The following VPS13B variants were observed in gnomAD, a reference collection of about 807,000 sequenced individuals.
VPS13B encodes vacuolar protein sorting 13 homolog B.
VPS13B carries 285 observed loss-of-function variants against 426.4 expected under a neutral mutation model. The observed-to-expected ratio is 0.67, with a 90% CI of 0.61 to 0.74. The LOEUF is 0.74. Ranked by LOEUF, VPS13B falls within the 30% of genes least tolerant of loss-of-function variation. The probability of loss-of-function intolerance (pLI) is 0.00; values close to 1 mark genes in which losing one functional copy is unlikely to be tolerated. For synonymous variants in VPS13B, 1,676 were observed against 1,676.4 expected (o/e 1.00, Z 0.01); for missense variants, 4,537 against 4,782.6 (o/e 0.95, Z 1.51).
chr8:99,152,101 G>A (rs1449159014), intron 14 of VPS13B, among the ~76,000 whole-genome samples: 1 of 151,908 alleles, frequency 6.6e-6, no homozygotes, highest in East Asian at 1.9e-4. Context: ...TGTAAGCTTA[G>A]GTGATTGATT....
At chr8:99,353,741 C>T (rs1004363074) in intron 19 of VPS13B, among the ~76,000 whole-genome samples, 3 of 151,986 alleles carry the variant, frequency 2.0e-5, no homozygotes, top group African/African-American at 7.2e-5. Flanking sequence ...TGCCAAAATT[C>T]TGTTTTCCCC....
At chr8:99,112,517 A>T (rs1242250750) in intron 6 of VPS13B, among the ~76,000 whole-genome samples, 1 of 151,990 alleles carries the variant, frequency 6.6e-6, no homozygotes, top group South Asian at 2.1e-4. Flanking sequence ...TGTATAATGC[A>T]TATTGGTTTG....
At chr8:99,327,821 A>G (rs928881605) in intron 19 of VPS13B, among the ~76,000 whole-genome samples, 5 of 152,322 alleles carry the variant, frequency 3.3e-5, no homozygotes, top group Admixed American at 1.3e-4. Flanking sequence ...TTTACTTACT[A>G]TCTATGGTTA....
In VPS13B at chr8:99,303,258, C is replaced by CA. The variant is rs757187342; in HGVS notation, c.2824+28025dup. Among the ~76,000 whole-genome samples, 350 of 57,280 alleles carry CA rather than the reference C, an allele frequency of 6.1e-3. 26 individuals carry two copies. Among genetic ancestry groups the CA allele is most frequent in the Middle Eastern group, 0.017 (1 of 60 alleles). The allele number at this position is 57,280 out of a possible 152,430, so 37.6% of individuals were successfully genotyped here. ...TTGCGCCACTGCACTCAGCCTGTCTCAAAAAAAAAAAAAAAAAAAAAGGAA... is the reference window on the plus strand; with the variant it reads ...TTGCGCCACTGCACTCAGCCTGTCTCAAAAAAAAAAAAAAAAAAAAAAGGAA... On this transcript the variant is annotated intron_variant, in intron 19 of 61. Transcript: ENST00000357162.
intron 15 of VPS13B, among the ~76,000 whole-genome samples, chr8:99,164,876 G>A (rs956493314): frequency 3.3e-5 from 5 of 150,568 alleles, no homozygotes; most frequent in African/African-American, 9.8e-5. Context: ...TTCTCTCTTC[G>A]ACTTTTTCTT....
At chr8:99,690,624 A>C (rs1048740317) in intron 35 of VPS13B, among the ~76,000 whole-genome samples, 2 of 152,064 alleles carry the variant, frequency 1.3e-5, no homozygotes, top group Non-Finnish European at 2.9e-5. Context: ...ATAATCTTAT[A>C]TTTTATATCC....
chr8:99,381,449 G>T (rs1813800270), intron 19 of VPS13B, among the ~76,000 whole-genome samples: 1 of 152,034 alleles, frequency 6.6e-6, no homozygotes, highest in Non-Finnish European at 1.5e-5. Flanking sequence ...TTGAATTGCA[G>T]TTCTGTTTTT....
intron 61 of VPS13B, among the ~76,000 whole-genome samples, chr8:99,871,989 C>G (rs1423454775): frequency 6.6e-6 from 1 of 152,236 alleles, no homozygotes; most frequent in Non-Finnish European, 1.5e-5. Context: ...CAAGGCTGAT[C>G]TGGCTTGGCC....
At chr8:99,512,532 A>G (rs192337288) in intron 29 of VPS13B, among the ~76,000 whole-genome samples, 1 of 152,340 alleles carries the variant, frequency 6.6e-6, no homozygotes, top group East Asian at 1.9e-4. Flanking sequence ...TTCAGTTATA[A>G]TAACATTTTT....
At chr8:99,318,933 T>C (rs1223892632) in intron 19 of VPS13B, among the ~76,000 whole-genome samples, 2 of 152,204 alleles carry the variant, frequency 1.3e-5, no homozygotes, top group African/African-American at 4.8e-5. Context: ...AATGATGTAA[T>C]GTAGTAGCTC....
chr8:99,600,262 T>C (rs1022299912), intron 33 of VPS13B, among the ~76,000 whole-genome samples: 8 of 152,126 alleles, frequency 5.3e-5, no homozygotes, highest in African/African-American at 1.2e-4. Flanking sequence ...TGGATAGATA[T>C]GGAAACAAAG....
chr8:99,328,234 T>TG (rs1810382876), intron 19 of VPS13B, among the ~76,000 whole-genome samples: 2 of 152,198 alleles, frequency 1.3e-5, no homozygotes, highest in South Asian at 2.1e-4. Flanking sequence ...AGTTTCATCC[T>TG]GAAACAATCG....
chr8:99,786,232 C>CA (rs1431953336), intron 43 of VPS13B, among the ~76,000 whole-genome samples: 2 of 152,126 alleles, frequency 1.3e-5, no homozygotes, highest in Non-Finnish European at 2.9e-5. Flanking sequence ...TTTTCATACT[C>CA]ATTTGCACTA....
chr8:99,239,731 G>A (rs1343899593), intron 17 of VPS13B, among the ~76,000 whole-genome samples: 2 of 152,056 alleles, frequency 1.3e-5, no homozygotes, highest in Non-Finnish European at 2.9e-5. Flanking sequence ...AAGCTTTAAG[G>A]AGCCATGAAT....
chr8:99,621,051 G>A (rs1219801109), intron 33 of VPS13B, among the ~76,000 whole-genome samples: 2 of 148,028 alleles, frequency 1.4e-5, no homozygotes, highest in Non-Finnish European at 3.0e-5. Context: ...AGAAAAACTA[G>A]AGGATCTTCA....
At chr8:99,453,548 A>G (rs1818303914) in intron 23 of VPS13B, among the ~76,000 whole-genome samples, 1 of 152,160 alleles carries the variant, frequency 6.6e-6, no homozygotes. Flanking sequence ...TTTATCATTT[A>G]TTTAGTTAAG....
chr8:99,833,278 A>G (rs994481409), intron 52 of VPS13B, among the ~76,000 whole-genome samples: 5 of 152,230 alleles, frequency 3.3e-5, no homozygotes, highest in African/African-American at 1.2e-4. Flanking sequence ...CTGGACTTCT[A>G]TTATGTGGTT....
intron 33 of VPS13B, among the ~76,000 whole-genome samples, chr8:99,594,751 T>C (rs1826906822): frequency 6.6e-6 from 1 of 151,900 alleles, no homozygotes; most frequent in African/African-American, 2.4e-5. Flanking sequence ...GAAACTACAG[T>C]TGATAGTGAG....
chr8:99,303,730 C>CAAAAAAAAAAAA (rs58708195), intron 19 of VPS13B, among the ~76,000 whole-genome samples: 9 of 63,708 alleles, frequency 1.4e-4, no homozygotes, highest in Admixed American at 2.4e-4. Context: ...GACTCCGTCT[C>CAAAAAAAAAAAA]AAAAAAAAAA....
Sources: gnomAD v4.1 joint callset for allele counts (sites outside exome capture counted in the v4.1 genomes callset) on GRCh38, gnomAD v4.1.1 for gene constraint, MANE v1.5 for transcripts, NCBI Gene and HGNC (gene_info 2026-07-23, HGNC 2026-07-21) for gene names.